The following INO80C variants were observed in gnomAD, a reference collection of about 807,000 sequenced individuals.
INO80C encodes the protein INO80 complex subunit C.
Under a neutral mutation model 17.7 loss-of-function variants are expected in INO80C, and 17 were observed. The ratio of observed to expected loss-of-function variants is 0.96; its 90% confidence interval spans 0.66 to 1.44. The LOEUF is 1.44. Ranked by LOEUF, INO80C falls within the 40% of genes most tolerant of loss-of-function variation. The probability of loss-of-function intolerance (pLI) is 0.00; values close to 1 mark genes in which losing one functional copy is unlikely to be tolerated. For synonymous variants in INO80C, 96 were observed against 95.8 expected (o/e 1.00, Z -0.01); for missense variants, 244 against 245.0 (o/e 1.00, Z 0.03).
At chr18:35,479,068 G>C (rs558054832) in intron 3 of INO80C, 2 of 395,048 alleles carry the variant, frequency 5.1e-6, no homozygotes, top group Non-Finnish European at 9.0e-6. Context: ...ATCATATTGG[G>C]ACCTATGACC....
At chr18:35,475,514 C>CA (rs1353956960) in intron 4 of INO80C, among the ~76,000 whole-genome samples, 2 of 151,836 alleles carry the variant, frequency 1.3e-5, no homozygotes, top group African/African-American at 2.4e-5. Flanking sequence ...ACAAAAAACA[C>CA]AAAAAATTAG....
chr18:35,479,386 G>A lies in INO80C; in HGVS notation c.293C>T (p.Ala98Val). The change falls in exon 3 of 5, where the codon GCT (alanine) becomes GTT (valine). Residue 98 changes from alanine to valine, a missense_variant. Coordinates refer to ENST00000334598, the MANE Select transcript of INO80C (RefSeq NM_194281.4). Reference sequence around the variant, plus strand: ...CTTCCAGGTTCTGTTCTTCTTGCCAGCTACTGCGCCACCGTGGCCAGAGTG... The same window carrying A: ...CTTCCAGGTTCTGTTCTTCTTGCCAACTACTGCGCCACCGTGGCCAGAGTG... ...FVHSGHGGAV[A>V]GKKNRTWKNL... 6.2e-7 allele frequency: 1 copy of A among 1,613,908 alleles called. No homozygotes were observed. Among genetic ancestry groups the A allele is most frequent in the Non-Finnish European group, 8.5e-7 (1 of 1,179,854 alleles).
chr18:35,470,465 C>T (rs1377217529), intron 4 of INO80C, among the ~76,000 whole-genome samples: 1 of 152,168 alleles, frequency 6.6e-6, no homozygotes, highest in Non-Finnish European at 1.5e-5. Context: ...CAAGTCTCTT[C>T]TGAGGGATCC....
chr18:35,491,224 C>T (rs1374259499), intron 1 of INO80C, among the ~76,000 whole-genome samples: 2 of 152,170 alleles, frequency 1.3e-5, no homozygotes, highest in Admixed American at 6.5e-5. Context: ...AAATGCCAGA[C>T]AGGGGCCCTC....
chr18:35,470,871 A>G (rs1006251933), intron 4 of INO80C, among the ~76,000 whole-genome samples: 1 of 152,246 alleles, frequency 6.6e-6, no homozygotes, highest in Middle Eastern at 3.2e-3. Context: ...CCTCCTCTGG[A>G]TGCCATCCTT....
At chr18:35,473,150 C>G in intron 4 of INO80C, among the ~76,000 whole-genome samples, 1 of 152,180 alleles carries the variant, frequency 6.6e-6, no homozygotes, top group East Asian at 1.9e-4. Flanking sequence ...CAAGTCTGGC[C>G]ATAAACTGTG....
intron 4 of INO80C, among the ~76,000 whole-genome samples, chr18:35,472,983 T>A (rs1373840417): frequency 6.6e-6 from 1 of 152,166 alleles, no homozygotes; most frequent in East Asian, 1.9e-4. Context: ...GGGCAAGAGG[T>A]TTTAGGTAAT....
intron 4 of INO80C, among the ~76,000 whole-genome samples, chr18:35,475,166 G>A (rs949848390): frequency 5.3e-5 from 8 of 152,016 alleles, no homozygotes; most frequent in African/African-American, 1.9e-4. Context: ...GAAAACAAAA[G>A]ACGAAGAGAA....
At chr18:35,473,192 G>T (rs1424611228) in intron 4 of INO80C, among the ~76,000 whole-genome samples, 1 of 152,212 alleles carries the variant, frequency 6.6e-6, no homozygotes, top group East Asian at 1.9e-4. Context: ...CACAGGGAGA[G>T]ATTTCCACTT....
At chr18:35,494,409 T>G (rs2045959393) in intron 1 of INO80C, among the ~76,000 whole-genome samples, 1 of 152,228 alleles carries the variant, frequency 6.6e-6, no homozygotes, top group Non-Finnish European at 1.5e-5. Context: ...CAAGTAGGCC[T>G]GCCTAATCAC....
At chr18:35,482,769 A>C (rs2045827527) in intron 1 of INO80C, among the ~76,000 whole-genome samples, 1 of 148,138 alleles carries the variant, frequency 6.8e-6, no homozygotes, top group East Asian at 2.0e-4. Flanking sequence ...TCCGCACCCC[A>C]CTCTCCCTTC....
At chr18:35,475,078 C>G (rs977695126) in intron 4 of INO80C, among the ~76,000 whole-genome samples, 8 of 152,086 alleles carry the variant, frequency 5.3e-5, no homozygotes, top group African/African-American at 1.9e-4. Flanking sequence ...AATCCAAAAC[C>G]TCAGAGAACA....
chr18:35,481,303 C>T (rs1309746466), intron 1 of INO80C, among the ~76,000 whole-genome samples: 3 of 152,212 alleles, frequency 2.0e-5, no homozygotes, highest in Non-Finnish European at 4.4e-5. Context: ...TAAGAAACCA[C>T]TTCTGATCTG....
chr18:35,492,835 G>A (rs1165430927), intron 1 of INO80C, among the ~76,000 whole-genome samples: 1 of 152,118 alleles, frequency 6.6e-6, no homozygotes, highest in Non-Finnish European at 1.5e-5. Flanking sequence ...CAGTCTATAG[G>A]TTAATTAGAT....
rs769397614 is a variant in INO80C, at chr18:35,479,342, C to T, written c.337G>A (p.Ala113Thr). ...RTWKNLKQIL[A>T]SERALPWQLN... ...TGCCACGGCAATGCCCTTTCAGAAG[C>T]GAGGATTTGTTTCAGGTTCTTCCAG... Residue 113 changes from alanine to threonine, a missense_variant, in exon 3 of 5, where the codon GCT becomes ACT. Ala to Thr is a moderately conservative substitution (Grantham distance 58, BLOSUM62 0). Coordinates refer to ENST00000334598, the MANE Select transcript of INO80C (RefSeq NM_194281.4). The T allele has an allele frequency of 6.4e-5, 104 of 1,613,946 alleles. No homozygotes were observed. The South Asian group carries it at 8.5e-4, about 13-fold the overall frequency.
chr18:35,497,419 CATT>C (rs1225781446), intron 1 of INO80C: 26 of 1,172,474 alleles, frequency 2.2e-5, no homozygotes, highest in East Asian at 5.5e-5. Context: ...GACTGACACT[CATT>C]AGTCCTGAAC....
At chr18:35,484,292 C>T (rs1323382193) in intron 1 of INO80C, among the ~76,000 whole-genome samples, 1 of 152,282 alleles carries the variant, frequency 6.6e-6, no homozygotes, top group African/African-American at 2.4e-5. Flanking sequence ...TATGAGCTCA[C>T]AGTTTTCAGT....
At chr18:35,485,731 A>G (rs2144068925) in intron 1 of INO80C, among the ~76,000 whole-genome samples, 1 of 152,364 alleles carries the variant, frequency 6.6e-6, no homozygotes. Flanking sequence ...TGAAAAACAT[A>G]TGTCCATGCA....
intron 1 of INO80C, among the ~76,000 whole-genome samples, chr18:35,484,088 T>C (rs1010375947): frequency 3.3e-5 from 5 of 152,210 alleles, no homozygotes; most frequent in African/African-American, 7.2e-5. Context: ...ATTTTGACTA[T>C]GTAATCCAAG....
Sources: gnomAD v4.1 joint callset for allele counts (sites outside exome capture counted in the v4.1 genomes callset) on GRCh38, gnomAD v4.1.1 for gene constraint, MANE v1.5 for transcripts, NCBI Gene and HGNC (gene_info 2026-07-23, HGNC 2026-07-21) for gene names.